Variants in CDH18 observed in about 807,000 individuals in gnomAD.
The protein encoded by CDH18 is cadherin 18.
In CDH18, 31 loss-of-function variants were observed where a neutral mutation model predicts 67.9. The observed-to-expected ratio is 0.46, with a 90% confidence interval of 0.34 to 0.62. The LOEUF (loss-of-function observed/expected upper bound fraction) is 0.62. Among genes scored for constraint, CDH18 ranks in the 20% least tolerant of loss-of-function variants. The probability of loss-of-function intolerance (pLI) is 0.01; values close to 1 mark genes in which losing one functional copy is unlikely to be tolerated. For missense variants in CDH18, 890 were observed against 975.5 expected, an observed-to-expected ratio of 0.91 and a Z score of 1.17; for synonymous variants, 362 against 347.2, an observed-to-expected ratio of 1.04 and a Z score of -0.48.
At chr5:19,716,455 A>G (rs932518004) in intron 5 of CDH18, among the ~76,000 whole-genome samples, 1 of 152,076 alleles carries the variant, frequency 6.6e-6, no homozygotes, top group Non-Finnish European at 1.5e-5. Context: ...AGAAAGGCCA[A>G]GTAAGCAGTT....
chr5:20,565,569 A>C (rs1758454657), intron 1 of CDH18, among the ~76,000 whole-genome samples: 1 of 151,974 alleles, frequency 6.6e-6, no homozygotes, highest in Non-Finnish European at 1.5e-5. Context: ...AAAATGTTTA[A>C]ATTGGTGCTT....
At chr5:19,871,433 TTCTTTG>T (rs1561481053) in intron 2 of CDH18, among the ~76,000 whole-genome samples, 1 of 152,194 alleles carries the variant, frequency 6.6e-6, no homozygotes, top group African/African-American at 2.4e-5. Flanking sequence ...CCCCTTTGAT[TTCTTTG>T]TCACAATGAC....
At chr5:20,275,219 G>T (rs563968109) in intron 1 of CDH18, among the ~76,000 whole-genome samples, 1 of 152,192 alleles carries the variant, frequency 6.6e-6, no homozygotes, top group South Asian at 2.1e-4. Flanking sequence ...CCTAATGGGA[G>T]GTGATTGGAT....
chr5:20,416,499 T>G (rs1747321780), intron 1 of CDH18, among the ~76,000 whole-genome samples: 1 of 152,146 alleles, frequency 6.6e-6, no homozygotes, highest in Non-Finnish European at 1.5e-5. Context: ...AATAGGTTTC[T>G]ATATTCAGAA....
At chr5:20,561,998 A>T (rs1758245335) in intron 1 of CDH18, among the ~76,000 whole-genome samples, 1 of 151,952 alleles carries the variant, frequency 6.6e-6, no homozygotes, top group Non-Finnish European at 1.5e-5. Context: ...CAAATAGGCT[A>T]TTATGAACAA....
At chr5:20,276,510 C>T (rs943436994) in intron 1 of CDH18, among the ~76,000 whole-genome samples, 3 of 152,114 alleles carry the variant, frequency 2.0e-5, no homozygotes, top group African/African-American at 7.2e-5. Context: ...AATAAAGAAC[C>T]CTTGAGCCCT....
chr5:19,999,849 A>C, intron 2 of CDH18, among the ~76,000 whole-genome samples: 1 of 152,184 alleles, frequency 6.6e-6, no homozygotes, highest in Admixed American at 6.5e-5. Context: ...AGGCTCATGA[A>C]GCAGCCCTAC....
intron 5 of CDH18, among the ~76,000 whole-genome samples, chr5:19,699,474 C>T (rs945164840): frequency 1.3e-5 from 2 of 152,072 alleles, no homozygotes; most frequent in African/African-American, 2.4e-5. Context: ...AGTTAAATCC[C>T]TAATCCCCAA....
At chr5:19,962,250 T>G (rs2150308156) in intron 2 of CDH18, among the ~76,000 whole-genome samples, 1 of 151,810 alleles carries the variant, frequency 6.6e-6, no homozygotes, top group African/African-American at 2.4e-5. Flanking sequence ...TATCAAATTT[T>G]GGGTTTTAAA....
intron 3 of CDH18, among the ~76,000 whole-genome samples, chr5:19,819,389 C>T (rs1351763878): frequency 6.6e-6 from 1 of 152,102 alleles, no homozygotes; most frequent in Non-Finnish European, 1.5e-5. Context: ...GCTAAAATAT[C>T]GAGTAAACCA....
chr5:19,645,291 G>A (rs1243247277), intron 5 of CDH18, among the ~76,000 whole-genome samples: 2 of 152,128 alleles, frequency 1.3e-5, no homozygotes, highest in African/African-American at 4.8e-5. Flanking sequence ...ATGAGGGGAA[G>A]GAATGAGCCA....
chr5:19,672,414 T>C (rs986918162), intron 5 of CDH18, among the ~76,000 whole-genome samples: 8 of 152,172 alleles, frequency 5.3e-5, no homozygotes, highest in African/African-American at 1.9e-4. Flanking sequence ...AACAGTTTTA[T>C]GAGTGGAATT....
At chr5:20,063,917 G>C (rs180984010) in intron 2 of CDH18, among the ~76,000 whole-genome samples, 50 of 152,212 alleles carry the variant, frequency 3.3e-4, no homozygotes, top group Non-Finnish European at 6.2e-4. Flanking sequence ...GGAAACAACT[G>C]CTACTTAACA....
intron 1 of CDH18, among the ~76,000 whole-genome samples, chr5:20,398,989 G>C (rs923728657): frequency 6.6e-6 from 1 of 151,934 alleles, no homozygotes; most frequent in African/African-American, 2.4e-5. Flanking sequence ...AACCACCATG[G>C]CACATGTATA....
At chr5:20,203,509 T>G (rs758528533) in intron 2 of CDH18, among the ~76,000 whole-genome samples, 2 of 151,748 alleles carry the variant, frequency 1.3e-5, no homozygotes, top group African/African-American at 2.4e-5. Context: ...GATAGTTTAC[T>G]ACATTCAAAG....
At chr5:20,262,593 C>T (rs1362686298) in intron 1 of CDH18, among the ~76,000 whole-genome samples, 2 of 151,890 alleles carry the variant, frequency 1.3e-5, no homozygotes, top group African/African-American at 4.8e-5. Context: ...CAGGGGTGTT[C>T]GAGGCTGAAA....
At chr5:20,449,217 C>T (rs1750241319) in intron 1 of CDH18, among the ~76,000 whole-genome samples, 1 of 152,022 alleles carries the variant, frequency 6.6e-6, no homozygotes, top group Admixed American at 6.5e-5. Flanking sequence ...AATCTAATTT[C>T]TATCATAAGT....
At chr5:20,012,048 G>T (rs1737487190) in intron 2 of CDH18, among the ~76,000 whole-genome samples, 1 of 151,988 alleles carries the variant, frequency 6.6e-6, no homozygotes, top group African/African-American at 2.4e-5. Flanking sequence ...GTGGAATTCA[G>T]CTGTCAATCC....
intron 3 of CDH18, among the ~76,000 whole-genome samples, chr5:19,768,292 A>T (rs1353460182): frequency 6.6e-6 from 1 of 152,202 alleles, no homozygotes; most frequent in Non-Finnish European, 1.5e-5. Context: ...AAAACAAACA[A>T]TAGAATAACT....
Sources: allele counts gnomAD v4.1 joint callset (sites outside exome capture counted in the v4.1 genomes callset), GRCh38; gene constraint gnomAD v4.1.1; transcripts MANE v1.5; gene names NCBI Gene and HGNC (gene_info 2026-07-23, HGNC 2026-07-21).